The following CERKL variants were observed in gnomAD, a reference collection of about 807,000 sequenced individuals.
The protein encoded by CERKL is ceramide kinase-like protein.
A neutral mutation model predicts 63.4 loss-of-function variants in CERKL; 61 were observed. The ratio of observed to expected loss-of-function variants is 0.96; its 90% CI spans 0.78 to 1.19. The LOEUF (loss-of-function observed/expected upper bound fraction) is 1.19. Ranked by LOEUF, CERKL falls within the 50% of genes most tolerant of loss-of-function variation. The probability of loss-of-function intolerance (pLI) is 0.00; values close to 1 mark genes in which losing one functional copy is unlikely to be tolerated. For missense variants in CERKL, 675 were observed against 655.5 expected (o/e 1.03, Z -0.33); for synonymous variants, 250 against 230.5 (o/e 1.08, Z -0.77).
At chr2:181,644,931 G>C (rs920988706) in intron 1 of CERKL, among the ~76,000 whole-genome samples, 2 of 152,172 alleles carry the variant, frequency 1.3e-5, no homozygotes, top group Non-Finnish European at 2.9e-5. Context: ...TAAAATATGA[G>C]GAAACTACTG....
chr2:181,626,784 C>A (rs72885368), intron 1 of CERKL, among the ~76,000 whole-genome samples: 1 of 152,170 alleles, frequency 6.6e-6, no homozygotes, highest in Non-Finnish European at 1.5e-5. Flanking sequence ...GAGTCACTGG[C>A]CTTACTACCA....
intron 2 of CERKL, among the ~76,000 whole-genome samples, chr2:181,577,827 C>G (rs918717479): frequency 1.3e-5 from 2 of 152,078 alleles, no homozygotes; most frequent in Non-Finnish European, 2.9e-5. Context: ...ACATAGAGCT[C>G]TAAGAACTTG....
At chr2:181,605,117 G>A (rs150634278) in intron 1 of CERKL, among the ~76,000 whole-genome samples, 32 of 152,310 alleles carry the variant, frequency 2.1e-4, no homozygotes, top group East Asian at 1.5e-3. Context: ...GGTAACACAG[G>A]ACAGTGAAGC....
intron 1 of CERKL, among the ~76,000 whole-genome samples, chr2:181,623,560 C>T (rs1005758047): frequency 6.6e-6 from 1 of 152,206 alleles, no homozygotes; most frequent in African/African-American, 2.4e-5. Flanking sequence ...CTTTCAATAT[C>T]GTTAATTGGA....
intron 1 of CERKL, among the ~76,000 whole-genome samples, chr2:181,636,230 G>A (rs113190904): frequency 8.6e-5 from 13 of 152,028 alleles, no homozygotes; most frequent in African/African-American, 2.9e-4. Flanking sequence ...ACGAATTTGC[G>A]CAGCGTCTAC....
chr2:181,653,871 A>C (rs1365854580), intron 1 of CERKL, among the ~76,000 whole-genome samples: 1 of 152,208 alleles, frequency 6.6e-6, no homozygotes, highest in Non-Finnish European at 1.5e-5. Flanking sequence ...ACAGTAAAAT[A>C]CTATATATTA....
At chr2:181,580,330 C>T (rs1375357225) in intron 2 of CERKL, among the ~76,000 whole-genome samples, 1 of 150,138 alleles carries the variant, frequency 6.7e-6, no homozygotes, top group African/African-American at 2.5e-5. Flanking sequence ...GATCTCCTAA[C>T]TGGCTATAGC....
intron 1 of CERKL, 150 bp from the exon 2 acceptor site, chr2:181,604,229 G>A: frequency 1.6e-6 from 1 of 622,852 alleles, no homozygotes; most frequent in Non-Finnish European, 2.8e-6. Context: ...CCTGGGTGAT[G>A]AAATAATCTG....
chr2:181,603,512 A>G (rs1685543456), intron 2 of CERKL, among the ~76,000 whole-genome samples: 1 of 152,308 alleles, frequency 6.6e-6, no homozygotes, highest in African/African-American at 2.4e-5. Context: ...TCAACAAAAT[A>G]TTAACAAACC....
intron 1 of CERKL, among the ~76,000 whole-genome samples, chr2:181,607,046 T>A (rs1044565195): frequency 6.6e-6 from 1 of 152,222 alleles, no homozygotes; most frequent in African/African-American, 2.4e-5. Flanking sequence ...TATCTATCTA[T>A]AATTATTGTA....
chr2:181,576,393 T>C (rs1684215480), intron 2 of CERKL, among the ~76,000 whole-genome samples: 1 of 152,174 alleles, frequency 6.6e-6, no homozygotes, highest in African/African-American at 2.4e-5. Flanking sequence ...ACTAAAGGCA[T>C]GAAAATTAAA....
chr2:181,555,221 T>A (rs984264294), intron 5 of CERKL, among the ~76,000 whole-genome samples: 2 of 152,172 alleles, frequency 1.3e-5, no homozygotes, highest in Non-Finnish European at 2.9e-5. Flanking sequence ...TGTATGGCAG[T>A]CAATGAATGA....
chr2:181,564,541 T>C (rs1418674043), intron 4 of CERKL, among the ~76,000 whole-genome samples: 1 of 152,030 alleles, frequency 6.6e-6, no homozygotes, highest in Admixed American at 6.6e-5. Context: ...AGAAAAATAT[T>C]ATTGTACTAC....
At chr2:181,563,378 T>G (rs1372162603) in intron 4 of CERKL, among the ~76,000 whole-genome samples, 2 of 152,192 alleles carry the variant, frequency 1.3e-5, no homozygotes, top group Non-Finnish European at 2.9e-5. Flanking sequence ...ATAGCATTTC[T>G]TAAACATTAC....
chr2:181,614,058 T>A (rs1574499603), intron 1 of CERKL, among the ~76,000 whole-genome samples: 1 of 152,202 alleles, frequency 6.6e-6, no homozygotes, highest in African/African-American at 2.4e-5. Context: ...TAGATGGTGC[T>A]TTGCTATGTC....
chr2:181,588,074 A>C (rs577339197), intron 2 of CERKL, among the ~76,000 whole-genome samples: 1 of 152,278 alleles, frequency 6.6e-6, no homozygotes, highest in African/African-American at 2.4e-5. Flanking sequence ...AATTGAGCCA[A>C]TTTACATATG....
intron 12 of CERKL, among the ~76,000 whole-genome samples, 200 bp from the exon 13 acceptor site, chr2:181,538,444 ACTTC>A (rs1160038032): frequency 3.3e-5 from 5 of 152,042 alleles, no homozygotes; most frequent in African/African-American, 1.2e-4. Context: ...TCCTTAACTG[ACTTC>A]CTTGATTGTC....
chr2:181,609,508 C>A (rs1685866161), intron 1 of CERKL, among the ~76,000 whole-genome samples: 1 of 121,762 alleles, frequency 8.2e-6, no homozygotes, highest in African/African-American at 3.0e-5. Flanking sequence ...CCAGCCTGGC[C>A]ACCATGGTGA....
chr2:181,554,225 CTTAA>C (rs1559074679), intron 5 of CERKL, among the ~76,000 whole-genome samples: 4 of 143,924 alleles, frequency 2.8e-5, no homozygotes, highest in Admixed American at 7.0e-5. Context: ...GAACAATTAA[CTTAA>C]TTAACCAGAT....
Sources: gnomAD v4.1 joint callset for allele counts (sites outside exome capture counted in the v4.1 genomes callset) on GRCh38, gnomAD v4.1.1 for gene constraint, MANE v1.5 for transcripts, NCBI Gene and HGNC (gene_info 2026-07-23, HGNC 2026-07-21) for gene names.